CEP83: variants seen among roughly 807,000 people sequenced by gnomAD.
The protein encoded by CEP83 is centrosomal protein 83.
A neutral mutation model predicts 101.9 loss-of-function variants in CEP83; 70 were observed. The observed-to-expected ratio is 0.69, with a 90% confidence interval of 0.57 to 0.84. The LOEUF (loss-of-function observed/expected upper bound fraction) is 0.84. Among genes scored for constraint, CEP83 ranks in the 40% least tolerant of loss-of-function variants. CEP83 has a pLI of 0.00. For missense variants in CEP83, 715 were observed against 787.2 expected (o/e 0.91, Z 1.10); for synonymous variants, 264 against 267.9 (o/e 0.99, Z 0.14).
intron 13 of CEP83, 83 bp downstream of exon 13, chr12:94,333,399 T>C (rs1278070959): frequency 1.6e-6 from 2 of 1,212,716 alleles, no homozygotes; most frequent in Non-Finnish European, 2.3e-6. Flanking sequence ...TAAAATATAA[T>C]CAACATTGGA....
the CEP83 span, chr12:94,298,796 G>A: frequency 6.2e-7 from 1 of 1,610,310 alleles, no homozygotes; most frequent in Non-Finnish European, 8.5e-7. Flanking sequence ...AAACAAACAG[G>A]TGGGAATGTA....
rs1003568712 is a variant in CEP83 at position 94,458,894 on chromosome 12, T to C, written c.-155+663A>G. Among the ~76,000 whole-genome samples the C allele has an allele frequency of 2.0e-5, 3 of 152,264 alleles. No individual in the cohort carries two copies. The East Asian group carries it at 5.8e-4, about 29-fold the overall frequency. On this transcript the variant is annotated intron_variant, in intron 1 of 16. Transcript: ENST00000397809. Reference sequence around the variant, plus strand: ...GTAACTGTAGGATAGATACCTTTAATTGTGTTTTAGTTAAATGTCAGACTT... The same window carrying C: ...GTAACTGTAGGATAGATACCTTTAACTGTGTTTTAGTTAAATGTCAGACTT...
chr12:94,415,390 T>C (rs945204952), intron 2 of CEP83, among the ~76,000 whole-genome samples: 1 of 152,114 alleles, frequency 6.6e-6, no homozygotes, highest in Admixed American at 6.5e-5. Context: ...ATGAATCTTA[T>C]GAAAGAAATT....
the CEP83 span, chr12:94,298,489 C>T: frequency 2.9e-6 from 2 of 700,676 alleles, no homozygotes; most frequent in Non-Finnish European, 4.6e-6. Flanking sequence ...CCACATTTGA[C>T]AATTTTACAT....
In CEP83 at chr12:94,308,239, T is replaced by A. The variant is rs1319927407; in HGVS notation, c.*574A>T. On this transcript the variant is annotated 3_prime_UTR_variant, in exon 17 of 17. Coordinates refer to ENST00000397809, the MANE Select transcript of CEP83 (RefSeq NM_016122.3). ...CAAAATCAGTAGACTGTCATATTGCTAAATATATGCTATATGGTTGATGTA... is the reference window on the plus strand; with the variant it reads ...CAAAATCAGTAGACTGTCATATTGCAAAATATATGCTATATGGTTGATGTA... The A allele has an allele frequency of 6.6e-6, 1 of 152,194 alleles. No individual in the cohort carries two copies. Among genetic ancestry groups the A allele is most frequent in the Non-Finnish European group, 1.5e-5 (1 of 68,028 alleles). 9.4% of individuals were successfully genotyped at this position (152,194 alleles called of 1,614,324 possible).
intron 13 of CEP83, 119 bp from the exon 14 acceptor site, chr12:94,331,948 G>T: frequency 1.2e-6 from 1 of 863,052 alleles, no homozygotes; most frequent in Non-Finnish European, 1.8e-6. Context: ...TTATCCAACT[G>T]CAGGCCCTCC....
chr12:94,432,238 A>G (rs1427778162), intron 2 of CEP83, among the ~76,000 whole-genome samples: 1 of 144,898 alleles, frequency 6.9e-6, no homozygotes, highest in Non-Finnish European at 1.5e-5. Context: ...TTTTTTTTGT[A>G]TTTTTAGTAG....
In CEP83 at chr12:94,401,937, G is replaced by A. The variant is rs74632090; in HGVS notation, c.418-956C>T. Among the ~76,000 whole-genome samples, 1,405 of 152,116 alleles carry A rather than the reference G, an allele frequency of 9.2e-3. 22 individuals carry two copies. The highest frequency in any genetic ancestry group is 0.032 in the African/African-American group (1,325 of 41,484). ...TAAAAGACGATTCTACAACTGTTTT[G>A]GGCAATTACCGCATCACTAGACTAC... On this transcript the variant is annotated intron_variant, in intron 5 of 16. Transcript: ENST00000397809.
chr12:94,360,960 A>C (rs2060724094), intron 11 of CEP83, among the ~76,000 whole-genome samples: 2 of 152,244 alleles, frequency 1.3e-5, no homozygotes, highest in Non-Finnish European at 2.9e-5. Context: ...ACATATTTAC[A>C]GATAACTGAT....
chr12:94,299,297 A>G, the CEP83 span, among the ~76,000 whole-genome samples: 1 of 152,182 alleles, frequency 6.6e-6, no homozygotes, highest in Non-Finnish European at 1.5e-5. Context: ...AAGGACAGGC[A>G]AGGCATCCAA....
chr12:94,357,619 G>A (rs1335922147), intron 11 of CEP83, among the ~76,000 whole-genome samples: 1 of 152,190 alleles, frequency 6.6e-6, no homozygotes, highest in Non-Finnish European at 1.5e-5. Flanking sequence ...TAGTTCCACA[G>A]TAGATTTATG....
At chr12:94,423,885 T>C (rs1362758742) in intron 2 of CEP83, 17 of 1,612,008 alleles carry the variant, frequency 1.1e-5, no homozygotes, top group African/African-American at 4.0e-5. Flanking sequence ...GCTCCTTGCA[T>C]AGCTGCAGCC....
In CEP83 at chr12:94,359,015, C is replaced by T. The variant is rs189255629; in HGVS notation, c.1343+8779G>A. On this transcript the variant is annotated intron_variant, in intron 11 of 16. Transcript: ENST00000397809. Reference sequence around the variant, plus strand: ...CTTAAAGGCATTCTTAAGCCACAAACAAAAGCCTGAGCATCTGTGTCTTAA... The same window carrying T: ...CTTAAAGGCATTCTTAAGCCACAAATAAAAGCCTGAGCATCTGTGTCTTAA... Among the ~76,000 whole-genome samples, 688 of 152,368 alleles carry T rather than the reference C, an allele frequency of 4.5e-3. 5 individuals are homozygous for T. The highest frequency in any genetic ancestry group is 0.016 in the African/African-American group (649 of 41,586).
At chr12:94,278,146 CA>C in the CEP83 span, 247,660 of 390,226 alleles carry the variant, frequency 0.63, 79,137 homozygotes, top group African/African-American at 0.7. Flanking sequence ...TCCTTAAAAC[CA>C]AAAAAAACAA....
intron 1 of CEP83, among the ~76,000 whole-genome samples, chr12:94,442,926 C>T (rs546841606): frequency 3.2e-4 from 49 of 152,224 alleles, no homozygotes; most frequent in Non-Finnish European, 6.0e-4. Context: ...ACTCCAGTGC[C>T]GAATCTTAAA....
At chr12:94,396,113 G>A (rs552281532) in intron 6 of CEP83, among the ~76,000 whole-genome samples, 16 of 151,770 alleles carry the variant, frequency 1.1e-4, no homozygotes, top group Non-Finnish European at 1.8e-4. Context: ...AATTACCTGC[G>A]CCTACAACTC....
intron 8 of CEP83, among the ~76,000 whole-genome samples, chr12:94,374,893 A>C (rs2137104912): frequency 6.6e-6 from 1 of 152,346 alleles, no homozygotes; most frequent in Non-Finnish European, 1.5e-5. Flanking sequence ...AAGGCACTTA[A>C]GTTTCAGAGA....
intron 6 of CEP83, among the ~76,000 whole-genome samples, chr12:94,391,623 C>T (rs902182195): frequency 2.0e-5 from 3 of 152,060 alleles, no homozygotes; most frequent in Non-Finnish European, 4.4e-5. Flanking sequence ...AATTCACACA[C>T]AACAATATTA....
At chr12:94,449,789 A>AG (rs1269353949) in intron 1 of CEP83, among the ~76,000 whole-genome samples, 1 of 127,838 alleles carries the variant, frequency 7.8e-6, no homozygotes, top group Non-Finnish European at 1.8e-5. Flanking sequence ...TAAAAAAAAA[A>AG]AAAAAAAAAA....
Sources: gnomAD v4.1 joint callset for allele counts (sites outside exome capture counted in the v4.1 genomes callset) on GRCh38, gnomAD v4.1.1 for gene constraint, MANE v1.5 for transcripts, NCBI Gene and HGNC (gene_info 2026-07-23, HGNC 2026-07-21) for gene names.